The following SPTBN2 variants were observed in gnomAD, a reference collection of about 807,000 sequenced individuals.
The protein encoded by SPTBN2 is spectrin beta, non-erythrocytic 2.
Under a neutral mutation model 284.2 loss-of-function variants are expected in SPTBN2, and 107 were observed. That is an observed-to-expected ratio of 0.38 (90% CI 0.32 to 0.44). The LOEUF is 0.44. Among genes scored for constraint, SPTBN2 ranks in the 20% least tolerant of loss-of-function variants. The pLI is 1.00. For missense variants in SPTBN2, 2,569 were observed against 3,287.1 expected, an observed-to-expected ratio of 0.78 and a Z score of 5.34; for synonymous variants, 1,289 against 1,354.8, an observed-to-expected ratio of 0.95 and a Z score of 1.07.
Position 66,687,095 on chromosome 11 carries a change from GC to G in SPTBN2, c.6794del (p.Ser2265ThrfsTer52). On this transcript the variant is annotated frameshift_variant, in exon 36 of 38. Transcript: ENST00000533211. LOFTEE classifies it high-confidence loss of function. The surrounding 1 kb of genome is among the most constrained non-coding windows in gnomAD (Gnocchi z 5.2). ...CTTCTCCGTGGTATGGCACTCCCGC[GC>G]TGGCTGCCTTGGCATCCTTGTAAAA... Reference protein sequence around the residue: ...LGFYKDAKAASAGVPYHGEVP... With the variant: ...LGFYKDAKAAXAGVPYHGEVP... The G allele has an allele frequency of 6.2e-7, 1 of 1,614,092 alleles. No individual in the cohort carries two copies. Among genetic ancestry groups the G allele is most frequent in the Non-Finnish European group, 8.5e-7 (1 of 1,180,046 alleles).
At position 66,687,350 on chromosome 11, in the gene SPTBN2, A is replaced by G. The variant is rs556129502; in HGVS notation, c.6722+77T>C. The G allele has an allele frequency of 3.2e-6, 5 of 1,575,242 alleles. 1 individual carries two copies. The South Asian group carries it at 5.5e-5, about 17-fold the overall frequency. ...ACCCTTTGCCCAGAAGATGTACTCT[A>G]AAGGGCATCCCTCCCTCTATCTGGG... On this transcript the variant is annotated intron_variant, in intron 35 of 37. Coordinates refer to ENST00000533211, the MANE Select transcript of SPTBN2 (RefSeq NM_006946.4). This position sits in a 1 kb window ranked among gnomAD's most constrained non-coding sequence, Gnocchi z 5.2.
At position 66,687,107 on chromosome 11, in the gene SPTBN2, G is replaced by A; in HGVS notation, c.6783C>T (p.Ala2261=). The A allele has an allele frequency of 1.2e-6, 2 of 1,614,068 alleles. No individual in the cohort carries two copies. The highest frequency in any genetic ancestry group is 1.3e-5 in the African/African-American group (1 of 75,048). The change falls in exon 36 of 38, where the codon GCC becomes GCT. Residue 2261 remains alanine, a synonymous_variant. Transcript: ENST00000533211. The surrounding 1 kb of genome is among the most constrained non-coding windows in gnomAD (Gnocchi z 5.2). ...RRGSLGFYKD[A]KAASAGVPYH... is the part of the protein sequence containing the mutation. ...ATGGCACTCCCGCGCTGGCTGCCTT[G>A]GCATCCTTGTAAAAGCCGAGGCTCC...
intron 29 of SPTBN2, 107 bp downstream of exon 29, chr11:66,689,698 T>A: frequency 1.9e-6 from 3 of 1,542,344 alleles, no homozygotes; most frequent in Non-Finnish European, 2.7e-6. Flanking sequence ...GGGGAGAGAA[T>A]GAAAGGTTTC....
chr11:66,699,328 C>A (rs766124281), intron 18 of SPTBN2, 78 bp downstream of exon 18: 24 of 1,563,154 alleles, frequency 1.5e-5, no homozygotes, highest in Admixed American at 1.0e-4. Context: ...GTTTCCTGTG[C>A]CACGTTTATC....
intron 17 of SPTBN2, 121 bp from the exon 18 acceptor site, chr11:66,699,729 A>G: frequency 9.7e-7 from 1 of 1,026,828 alleles, no homozygotes. Context: ...AGGGTAGCCC[A>G]GAGAGCTCTG....
intron 1 of SPTBN2, among the ~76,000 whole-genome samples, chr11:66,741,033 C>T (rs541687607): frequency 6.6e-6 from 1 of 152,284 alleles, no homozygotes; most frequent in South Asian, 2.1e-4. Context: ...CAGAATCAGT[C>T]TTGGGCTCTT....
At chr11:66,711,592 C>T (rs1402440233) in intron 8 of SPTBN2, among the ~76,000 whole-genome samples, 7 of 152,202 alleles carry the variant, frequency 4.6e-5, no homozygotes, top group Admixed American at 4.6e-4. Context: ...AGGGGAGTGT[C>T]TTTCAAGCCG....
At chr11:66,733,112 T>G (rs1403036976), upstream of SPTBN2, among the ~76,000 whole-genome samples, 1 of 152,100 alleles carries the variant, frequency 6.6e-6, no homozygotes, top group Non-Finnish European at 1.5e-5. Context: ...TGCAGAGCTT[T>G]TTATGTCATT....
chr11:66,718,814 G>A lies in SPTBN2; in HGVS notation c.157+2270C>T, dbSNP rs1423027524. Among the ~76,000 whole-genome samples the A allele has an allele frequency of 6.6e-6, 1 of 152,258 alleles. No individual in the cohort carries two copies. Among genetic ancestry groups the A allele is most frequent in the Non-Finnish European group, 1.5e-5 (1 of 68,040 alleles). ...CTCCTGAGACAGAGAGTGGGGGCAC[G>A]CCTGGCTGCGGTGAGAGGAGACAGG... On this transcript the variant is annotated intron_variant, in intron 3 of 37. Coordinates refer to ENST00000533211, the MANE Select transcript of SPTBN2 (RefSeq NM_006946.4). This position sits in a 1 kb window ranked among gnomAD's most constrained non-coding sequence, Gnocchi z 4.8.
In SPTBN2 at chr11:66,683,195, G is replaced by T. The variant is rs1939899028; in HGVS notation, c.*2676C>A. Among the ~76,000 whole-genome samples, 1 of 148,042 alleles carries T rather than the reference G, an allele frequency of 6.8e-6. No individual in the cohort carries two copies. Among genetic ancestry groups the T allele is most frequent in the South Asian group, 2.1e-4 (1 of 4,678 alleles). On this transcript the variant is annotated 3_prime_UTR_variant, in exon 38 of 38. Coordinates refer to ENST00000533211, the MANE Select transcript of SPTBN2 (RefSeq NM_006946.4). ...CCATTCTCCTGCCTCAGCCTCCCAA[G>T]TAGCTGGGACTACAGGCGCCCGCCA...
In SPTBN2 at chr11:66,700,875, T is replaced by C; in HGVS notation, c.3224A>G (p.Asp1075Gly). The change falls in exon 17 of 38, where the codon GAT (aspartate) becomes GGT (glycine). Residue 1075 changes from aspartate (D) to glycine (G), a missense_variant. Transcript: ENST00000533211. The surrounding 1 kb of genome is among the most constrained non-coding windows in gnomAD (Gnocchi z 6.6). ...GCGGCCTAGCCAGGCCTGGAAGTCATCCAAGCTGCGCAAGAAGTCCTGCAG... is the reference window on the plus strand; with the variant it reads ...GCGGCCTAGCCAGGCCTGGAAGTCACCCAAGCTGCGCAAGAAGTCCTGCAG... ...RRLQDFLRSLDDFQAWLGRTQ... is the reference protein window; with the variant it reads ...RRLQDFLRSLGDFQAWLGRTQ... 1 of 1,600,020 alleles carries C rather than the reference T, an allele frequency of 6.2e-7. No individual in the cohort carries two copies. Among genetic ancestry groups the C allele is most frequent in the Non-Finnish European group, 8.5e-7 (1 of 1,179,776 alleles).
rs1939881087 is a variant in SPTBN2 at position 66,682,927 on chromosome 11, TA to T, written c.*2943del. Among the ~76,000 whole-genome samples, 1 of 151,632 alleles carries T rather than the reference TA, an allele frequency of 6.6e-6. No individual in the cohort carries two copies. Among genetic ancestry groups the T allele is most frequent in the Admixed American group, 6.6e-5 (1 of 15,204 alleles). On this transcript the variant is annotated 3_prime_UTR_variant, in exon 38 of 38. Coordinates refer to ENST00000533211, the MANE Select transcript of SPTBN2 (RefSeq NM_006946.4). The stretch of plus-strand genomic sequence containing the variant: ...ACAGGCACATGCCACTACACCTGGC[TA>T]ATTTTTGTAGAGATGGGGTTTCACC...
intron 1 of SPTBN2, among the ~76,000 whole-genome samples, chr11:66,726,740 G>A (rs929137113): frequency 1.3e-5 from 2 of 152,254 alleles, no homozygotes; most frequent in African/African-American, 4.8e-5. Flanking sequence ...GAAGTCACGG[G>A]AAGGCAGAGT....
chr11:66,705,135 C>T lies in SPTBN2; in HGVS notation c.2141G>A (p.Gly714Glu), dbSNP rs1272484661. ...GQQLVAEGHP[G>E]ASQASARAAE... ...TGCACGGGCAGAGGCCTGGCTTGCC[C>T]CAGGGTGACCCTCGGCCACCAACTG... Residue 714 changes from glycine to glutamate, a missense_variant, in exon 15 of 38, where the codon GGG becomes GAG. Physicochemically the swap from Gly to Glu is moderately conservative, Grantham distance 98. Transcript: ENST00000533211. The T allele has an allele frequency of 9.1e-6, 14 of 1,540,452 alleles. No individual in the cohort carries two copies. The highest frequency in any genetic ancestry group is 1.2e-5 in the Non-Finnish European group (14 of 1,145,974).
In SPTBN2 at chr11:66,708,265, C is replaced by A; in HGVS notation, c.1226G>T (p.Arg409Leu). The change falls in exon 12 of 38, where the codon CGT (arginine) becomes CTT (leucine). Residue 409 changes from arginine to leucine, a missense_variant. By Grantham distance (102) the Arg-to-Leu change is moderately radical. Coordinates refer to ENST00000533211, the MANE Select transcript of SPTBN2 (RefSeq NM_006946.4). This position sits in a 1 kb window ranked among gnomAD's most constrained non-coding sequence, Gnocchi z 4.4. ...GAGCTCGGTGCGCAGGGCCAGCTCA[C>A]GCTCGTGCTCCGCCTTCTCCAGCCG... The part of the protein sequence containing the change: ...WERLEKAEHE[R>L]ELALRTELIR... 6.2e-7 allele frequency: 1 copy of A among 1,603,032 alleles called. No homozygotes were observed. Among genetic ancestry groups the A allele is most frequent in the Non-Finnish European group, 8.5e-7 (1 of 1,172,842 alleles).
At chr11:66,688,619 T>C (rs1269588319) in intron 31 of SPTBN2, 34 bp downstream of exon 31, 5 of 1,612,656 alleles carry the variant, frequency 3.1e-6, no homozygotes, top group Non-Finnish European at 4.2e-6. Flanking sequence ...GGGGAGCAGG[T>C]TGGAGTGGGC....
At chr11:66,712,055 G>A (rs894706348) in intron 8 of SPTBN2, among the ~76,000 whole-genome samples, 1 of 152,176 alleles carries the variant, frequency 6.6e-6, no homozygotes, top group African/African-American at 2.4e-5. Context: ...CTTTCCCAGA[G>A]GCAGCGGAGG....
Position 66,684,832 on chromosome 11 carries a change from G to A in SPTBN2, c.*1039C>T, listed in dbSNP as rs1021768502. Among the ~76,000 whole-genome samples the A allele has an allele frequency of 1.3e-5, 2 of 152,104 alleles. No individual in the cohort carries two copies. Among genetic ancestry groups the A allele is most frequent in the Non-Finnish European group, 2.9e-5 (2 of 68,012 alleles). On this transcript the variant is annotated 3_prime_UTR_variant, in exon 38 of 38. Coordinates refer to ENST00000533211, the MANE Select transcript of SPTBN2 (RefSeq NM_006946.4). ...CGGCAAGTGGGGGCAGTAAGCACCCGCTGTGTGCTCAGCTTTCCACCACTG... is the reference window on the plus strand; with the variant it reads ...CGGCAAGTGGGGGCAGTAAGCACCCACTGTGTGCTCAGCTTTCCACCACTG...
At chr11:66,686,830 C>T in intron 36 of SPTBN2, 164 bp downstream of exon 36, 1 of 913,130 alleles carries the variant, frequency 1.1e-6, no homozygotes, top group East Asian at 2.5e-5. Flanking sequence ...GTGGAGACAA[C>T]CAGAATCTCC....
Sources: allele counts gnomAD v4.1 joint callset (sites outside exome capture counted in the v4.1 genomes callset), GRCh38; gene constraint gnomAD v4.1.1; non-coding constraint Gnocchi (gnomAD v3.1); transcripts MANE v1.5; gene names NCBI Gene and HGNC (gene_info 2026-07-23, HGNC 2026-07-21).